FAXC: variants seen among roughly 807,000 people sequenced by gnomAD.
FAXC encodes failed axon connections homolog, metaxin like GST domain containing.
Under a neutral mutation model 41.9 loss-of-function variants are expected in FAXC, and 10 were observed. The ratio of observed to expected loss-of-function variants is 0.24; its 90% CI spans 0.15 to 0.41. The LOEUF (loss-of-function observed/expected upper bound fraction) is 0.41. Ranked by LOEUF, FAXC falls within the 10% of genes least tolerant of loss-of-function variation. FAXC has a pLI of 1.00. For missense variants in FAXC, 399 were observed against 510.9 expected, an observed-to-expected ratio of 0.78 and a Z score of 2.11; for synonymous variants, 183 against 183.8, an observed-to-expected ratio of 1.00 and a Z score of 0.03.
At chr6:99,296,423 G>A (rs1771500423) in intron 4 of FAXC, among the ~76,000 whole-genome samples, 1 of 152,124 alleles carries the variant, frequency 6.6e-6, no homozygotes, top group African/African-American at 2.4e-5. Context: ...AGCAGCTGAG[G>A]GATATGTGGG....
intron 5 of FAXC, among the ~76,000 whole-genome samples, chr6:99,287,800 G>T (rs1019360269): frequency 6.6e-6 from 1 of 152,142 alleles, no homozygotes; most frequent in African/African-American, 2.4e-5. Context: ...AGGGAAAGAG[G>T]TTGAGAGCAA....
intron 4 of FAXC, among the ~76,000 whole-genome samples, chr6:99,302,493 C>T (rs221576): frequency 0.8 from 120,950 of 151,910 alleles, 48,426 homozygotes; most frequent in East Asian, 1. Flanking sequence ...CTGTCTTTAC[C>T]AAAAATACAA....
chr6:99,332,675 T>C (rs913171466), intron 3 of FAXC, among the ~76,000 whole-genome samples: 1 of 152,014 alleles, frequency 6.6e-6, no homozygotes, highest in African/African-American at 2.4e-5. Context: ...CCAAAGAAAA[T>C]CCAGAAAGGA....
rs1219087633 is a variant in FAXC, at chr6:99,275,207, T to C, written c.*5957A>G. The C allele has an allele frequency of 6.6e-6, 1 of 152,214 alleles. No homozygotes were observed. Among genetic ancestry groups the C allele is most frequent in the Non-Finnish European group, 1.5e-5 (1 of 68,040 alleles). 9.4% of individuals were successfully genotyped at this position (152,214 alleles called of 1,614,324 possible). A position where few individuals can be genotyped will look rare whatever the true frequency, so the allele number is the denominator to read the frequency against. On this transcript the variant is annotated 3_prime_UTR_variant, in exon 6 of 6. Coordinates refer to ENST00000389677, the MANE Select transcript of FAXC (RefSeq NM_032511.4). ...TGGGAGGTGAATTAGTCACATTTAGTAGCACAACTTTTTATAAAGTTAACT... is the reference window on the plus strand; with the variant it reads ...TGGGAGGTGAATTAGTCACATTTAGCAGCACAACTTTTTATAAAGTTAACT...
intron 5 of FAXC, 142 bp from the exon 6 acceptor site, chr6:99,281,595 G>GGTTCGTTC (rs10686006): frequency 1.5e-6 from 1 of 676,056 alleles, no homozygotes; most frequent in South Asian, 1.8e-5. Flanking sequence ...TTTAAGAGGT[G>GGTTCGTTC]GTTCGTTCAT....
chr6:99,331,118 A>G (rs918378975), intron 3 of FAXC, among the ~76,000 whole-genome samples: 2 of 152,218 alleles, frequency 1.3e-5, no homozygotes, highest in East Asian at 3.8e-4. Flanking sequence ...TTGAAAGTTT[A>G]TTAGATATGT....
At chr6:99,318,176 G>A (rs948221131) in intron 4 of FAXC, among the ~76,000 whole-genome samples, 28 of 151,580 alleles carry the variant, frequency 1.8e-4, no homozygotes, top group African/African-American at 6.3e-4. Context: ...GGAGAATGGC[G>A]TGAACCCGGG....
Position 99,338,236 on chromosome 6 carries a change from T to A in FAXC, c.402+4662A>T, listed in dbSNP as rs190153651. Among the ~76,000 whole-genome samples the A allele has an allele frequency of 1.7e-3, 255 of 152,336 alleles. 1 individual carries two copies. The Middle Eastern group carries it at 0.024, about 14-fold the overall frequency. On this transcript the variant is annotated intron_variant, in intron 2 of 5. Transcript: ENST00000389677. ...AAACAGCCCTATACAATTCTTTTTT[T>A]AAAAATATACTTAATAACAAATAAT...
chr6:99,286,817 A>AT (rs59813856), intron 5 of FAXC, among the ~76,000 whole-genome samples: 6 of 152,200 alleles, frequency 3.9e-5, no homozygotes, highest in Non-Finnish European at 5.9e-5. Context: ...TAAAACTGAG[A>AT]TTTTTTTCAG....
chr6:99,336,920 C>T (rs1773238633), intron 2 of FAXC, among the ~76,000 whole-genome samples: 1 of 152,180 alleles, frequency 6.6e-6, no homozygotes, highest in African/African-American at 2.4e-5. Flanking sequence ...ATTACATTCA[C>T]TCTGCCCAGG....
intron 5 of FAXC, among the ~76,000 whole-genome samples, chr6:99,283,683 C>T (rs949995427): frequency 3.3e-5 from 5 of 152,258 alleles, no homozygotes; most frequent in African/African-American, 1.2e-4. Flanking sequence ...CATGAAACGC[C>T]TCACCAGGTA....
rs1011053528 is a variant in FAXC at position 99,271,307 on chromosome 6, C to T, written c.*9857G>A. Reference sequence around the variant, plus strand: ...GACAGACGGGAAGTCCAGGACCCCACACAAGTTCTAGAAGGGTGTGGAACC... The same window carrying T: ...GACAGACGGGAAGTCCAGGACCCCATACAAGTTCTAGAAGGGTGTGGAACC... On this transcript the variant is annotated 3_prime_UTR_variant, in exon 6 of 6. Transcript: ENST00000389677. 1 of 152,196 alleles carries T rather than the reference C, an allele frequency of 6.6e-6. No individual in the cohort carries two copies. Among genetic ancestry groups the T allele is most frequent in the Non-Finnish European group, 1.5e-5 (1 of 68,054 alleles). 9.4% of individuals were successfully genotyped at this position (152,196 alleles called of 1,614,324 possible). A position where few individuals can be genotyped will look rare whatever the true frequency, so the allele number is the denominator to read the frequency against.
intron 3 of FAXC, among the ~76,000 whole-genome samples, chr6:99,327,099 CCTT>C (rs1453848539): frequency 1.3e-5 from 2 of 152,162 alleles, no homozygotes; most frequent in Non-Finnish European, 2.9e-5. Flanking sequence ...TCTCTCTTCT[CCTT>C]CTATCTTGCC....
chr6:99,333,553 C>T lies in FAXC; in HGVS notation c.403-6G>A. On this transcript the variant is annotated splice_region_variant and splice_polypyrimidine_tract_variant and intron_variant, in intron 2 of 5. Coordinates refer to ENST00000389677, the MANE Select transcript of FAXC (RefSeq NM_032511.4). ...AGTTTTCCACCAAAATAGTTCTAAG[C>T]AGAGTACATTTTTAAAAAGAGAAAA... is the stretch of plus-strand genomic sequence containing the variant. The T allele has an allele frequency of 6.3e-7, 1 of 1,581,586 alleles. No homozygotes were observed. The highest frequency in any genetic ancestry group is 8.6e-7 in the Non-Finnish European group (1 of 1,167,574).
intron 4 of FAXC, among the ~76,000 whole-genome samples, chr6:99,300,873 A>G (rs1344223808): frequency 6.6e-6 from 1 of 152,260 alleles, no homozygotes; most frequent in East Asian, 1.9e-4. Context: ...AAATCCTTTT[A>G]TAAGGAACTC....
In FAXC at chr6:99,272,870, A is replaced by G. The variant is rs948234648; in HGVS notation, c.*8294T>C. The G allele has an allele frequency of 6.6e-6, 1 of 152,240 alleles. No individual in the cohort carries two copies. Among genetic ancestry groups the G allele is most frequent in the Admixed American group, 6.5e-5 (1 of 15,284 alleles). The allele number at this position is 152,240 out of a possible 1,614,324, so 9.4% of individuals were successfully genotyped here. ...CATGAGCCTGAAGTTTAAACATTCA[A>G]ATTTGCAAAAGAGAAGTAAATTGGA... On this transcript the variant is annotated 3_prime_UTR_variant, in exon 6 of 6. Transcript: ENST00000389677.
intron 3 of FAXC, among the ~76,000 whole-genome samples, chr6:99,331,505 C>T (rs973947774): frequency 3.3e-5 from 5 of 152,124 alleles, no homozygotes; most frequent in Non-Finnish European, 5.9e-5. Flanking sequence ...ATGATATGTA[C>T]GCACACACAG....
intron 2 of FAXC, among the ~76,000 whole-genome samples, chr6:99,340,575 A>T (rs906167346): frequency 2.1e-4 from 32 of 152,152 alleles, no homozygotes; most frequent in African/African-American, 7.5e-4. Flanking sequence ...CTTTATAATA[A>T]GATATATGGG....
chr6:99,304,802 A>G (rs1324181624), intron 4 of FAXC, among the ~76,000 whole-genome samples: 1 of 152,164 alleles, frequency 6.6e-6, no homozygotes, highest in Admixed American at 6.5e-5. Context: ...AGGGGAGGGG[A>G]GGAGGTCAGG....
Sources: gnomAD v4.1 joint callset for allele counts (sites outside exome capture counted in the v4.1 genomes callset) on GRCh38, gnomAD v4.1.1 for gene constraint, MANE v1.5 for transcripts, NCBI Gene and HGNC (gene_info 2026-07-23, HGNC 2026-07-21) for gene names.